The following BRINP3 variants were observed in gnomAD, a reference collection of about 807,000 sequenced individuals.
The protein encoded by BRINP3 is BMP/retinoic acid inducible neural specific 3.
BRINP3 carries 19 observed loss-of-function variants against 71.0 expected under a neutral mutation model. The observed-to-expected ratio is 0.27, with a 90% confidence interval of 0.19 to 0.39. The LOEUF is 0.39. Ranked by LOEUF, BRINP3 falls within the 10% of genes least tolerant of loss-of-function variation. BRINP3 has a pLI of 1.00. For synonymous variants in BRINP3, 380 were observed against 337.7 expected (o/e 1.13, Z -1.37); for missense variants, 959 against 940.8 (o/e 1.02, Z -0.25).
At chr1:190,334,478 A>G (rs1396966143) in intron 2 of BRINP3, among the ~76,000 whole-genome samples, 2 of 151,766 alleles carry the variant, frequency 1.3e-5, no homozygotes, top group East Asian at 3.9e-4. Flanking sequence ...TGTATTTTAT[A>G]TATTATCGCT....
Position 190,158,826 on chromosome 1 carries a change from A to G in BRINP3, c.1184+1842T>C, listed in dbSNP as rs370372646. On this transcript the variant is annotated intron_variant, in intron 7 of 7. Coordinates refer to ENST00000367462, the MANE Select transcript of BRINP3 (RefSeq NM_199051.3). ...AACTAAAAGTTAGTGAAAAATGAAAATGAGGTTGAAAAACTTTTAGCTAAA... is the reference window on the plus strand; with the variant it reads ...AACTAAAAGTTAGTGAAAAATGAAAGTGAGGTTGAAAAACTTTTAGCTAAA... Among the ~76,000 whole-genome samples, 490 of 151,906 alleles carry G rather than the reference A, an allele frequency of 3.2e-3. 1 individual carries two copies. The highest frequency in any genetic ancestry group is 0.011 in the African/African-American group (471 of 41,494).
At chr1:190,268,201 A>T (rs1661815826) in intron 3 of BRINP3, among the ~76,000 whole-genome samples, 2 of 152,174 alleles carry the variant, frequency 1.3e-5, no homozygotes, top group African/African-American at 4.8e-5. Flanking sequence ...CTTAAAATAC[A>T]TTTATGAATA....
At chr1:190,263,129 C>A (rs1248561791) in intron 4 of BRINP3, among the ~76,000 whole-genome samples, 1 of 152,094 alleles carries the variant, frequency 6.6e-6, no homozygotes, top group Non-Finnish European at 1.5e-5. Flanking sequence ...ATGATTTCTT[C>A]TATTAGAAAA....
At chr1:190,416,025 T>A (rs982747010) in intron 2 of BRINP3, among the ~76,000 whole-genome samples, 3 of 152,180 alleles carry the variant, frequency 2.0e-5, no homozygotes, top group Non-Finnish European at 4.4e-5. Flanking sequence ...ACATTCAATA[T>A]GTTCCTAAGT....
intron 2 of BRINP3, among the ~76,000 whole-genome samples, chr1:190,327,451 A>G (rs1244564642): frequency 9.5e-5 from 14 of 147,516 alleles, no homozygotes; most frequent in Non-Finnish European, 4.5e-5. Context: ...GGCTCAAAGG[A>G]AAAAGTTGGA....
At chr1:190,148,652 T>G (rs1051389362) in intron 7 of BRINP3, among the ~76,000 whole-genome samples, 1 of 148,198 alleles carries the variant, frequency 6.7e-6, no homozygotes, top group Non-Finnish European at 1.5e-5. Flanking sequence ...AATAAATAAA[T>G]TCTATCTCCT....
chr1:190,301,776 T>A (rs543087670), intron 2 of BRINP3, among the ~76,000 whole-genome samples: 9 of 151,904 alleles, frequency 5.9e-5, no homozygotes, highest in Non-Finnish European at 8.8e-5. Flanking sequence ...TATACAAAAG[T>A]GTTATTTGTT....
At chr1:190,105,378 T>C (rs1266279734) in intron 7 of BRINP3, among the ~76,000 whole-genome samples, 1 of 152,106 alleles carries the variant, frequency 6.6e-6, no homozygotes. Context: ...AGGCAATGAA[T>C]AAGTGTGTGA....
At chr1:190,358,561 G>A (rs1475808724) in intron 2 of BRINP3, among the ~76,000 whole-genome samples, 1 of 152,142 alleles carries the variant, frequency 6.6e-6, no homozygotes, top group African/African-American at 2.4e-5. Context: ...TACACTGTTG[G>A]TGGGACTGTA....
chr1:190,471,743 C>T (rs1004964578), intron 1 of BRINP3, among the ~76,000 whole-genome samples: 3 of 151,324 alleles, frequency 2.0e-5, no homozygotes, highest in Admixed American at 1.3e-4. Flanking sequence ...CAATATAAAT[C>T]TGCTAAGAAA....
At chr1:190,327,181 G>A (rs544863207) in intron 2 of BRINP3, among the ~76,000 whole-genome samples, 1 of 151,340 alleles carries the variant, frequency 6.6e-6, no homozygotes, top group South Asian at 2.1e-4. Context: ...CAGGCGTTTT[G>A]TTGGGCACCT....
intron 7 of BRINP3, among the ~76,000 whole-genome samples, chr1:190,143,853 T>A (rs1655659341): frequency 6.6e-6 from 1 of 152,190 alleles, no homozygotes; most frequent in Non-Finnish European, 1.5e-5. Flanking sequence ...GAATTATGAA[T>A]CCCTAGACAG....
intron 2 of BRINP3, among the ~76,000 whole-genome samples, chr1:190,412,461 T>TTTTGTTTTG (rs1336609202): frequency 7.2e-6 from 1 of 139,422 alleles, no homozygotes; most frequent in Non-Finnish European, 1.5e-5. Context: ...GTTTTGTTTT[T>TTTTGTTTTG]TTTTGTTTTT....
At chr1:190,456,011 G>A (rs1675959966) in intron 1 of BRINP3, among the ~76,000 whole-genome samples, 1 of 152,066 alleles carries the variant, frequency 6.6e-6, no homozygotes, top group African/African-American at 2.4e-5. Flanking sequence ...CAAAGATTCT[G>A]ACTAATGAGA....
intron 2 of BRINP3, among the ~76,000 whole-genome samples, chr1:190,364,047 A>G (rs1331167859): frequency 4.9e-5 from 5 of 101,666 alleles, no homozygotes; most frequent in Non-Finnish European, 8.7e-5. Flanking sequence ...AATGCAATTC[A>G]CAATCTCCTT....
intron 2 of BRINP3, among the ~76,000 whole-genome samples, chr1:190,388,097 T>C (rs1671028905): frequency 6.6e-6 from 1 of 151,806 alleles, no homozygotes; most frequent in Non-Finnish European, 1.5e-5. Flanking sequence ...ATCATATATG[T>C]GCGAGTAGAG....
chr1:190,228,456 CT>C (rs1390618562), intron 5 of BRINP3, among the ~76,000 whole-genome samples: 1 of 151,462 alleles, frequency 6.6e-6, no homozygotes, highest in Non-Finnish European at 1.5e-5. Flanking sequence ...AACGTTGAAT[CT>C]GTAAGACGGT....
chr1:190,322,969 C>T (rs1213476259), intron 2 of BRINP3, among the ~76,000 whole-genome samples: 4 of 151,966 alleles, frequency 2.6e-5, no homozygotes, highest in Non-Finnish European at 2.9e-5. Context: ...ACATTCAAAG[C>T]GCAGAAGGAT....
At chr1:190,273,564 C>A (rs1378014237) in intron 3 of BRINP3, among the ~76,000 whole-genome samples, 2 of 151,288 alleles carry the variant, frequency 1.3e-5, no homozygotes, top group Admixed American at 1.3e-4. Context: ...AAACAGGGGA[C>A]AATAAAACAA....
Sources: allele counts gnomAD v4.1 joint callset (sites outside exome capture counted in the v4.1 genomes callset), GRCh38; gene constraint gnomAD v4.1.1; transcripts MANE v1.5; gene names NCBI Gene and HGNC (gene_info 2026-07-23, HGNC 2026-07-21).